Variants in BRSK2 observed in about 807,000 individuals in gnomAD.
The protein encoded by BRSK2 is serine/threonine-protein kinase BRSK2.
A neutral mutation model predicts 83.3 loss-of-function variants in BRSK2; 19 were observed. That is an observed-to-expected ratio of 0.23 (90% CI 0.16 to 0.33). The LOEUF (loss-of-function observed/expected upper bound fraction) is 0.33, where lower values mean the gene tolerates loss of function less well. BRSK2 is among the 10% of genes least tolerant of loss of function. The pLI is 1.00. For synonymous variants in BRSK2, 519 were observed against 435.4 expected (o/e 1.19, Z -2.39); for missense variants, 798 against 1,042.3 (o/e 0.77, Z 3.23).
intron 1 of BRSK2, among the ~76,000 whole-genome samples, chr11:1,408,834 T>TGG (rs1326857052): frequency 6.6e-6 from 1 of 151,208 alleles, no homozygotes; most frequent in Non-Finnish European, 1.5e-5. Context: ...TGTGTGTGTG[T>TGG]GGCTGTGCTG....
At chr11:1,402,592 G>A (rs373887051) in intron 1 of BRSK2, among the ~76,000 whole-genome samples, 1 of 152,124 alleles carries the variant, frequency 6.6e-6, no homozygotes, top group African/African-American at 2.4e-5. Context: ...CCTCCTGGGG[G>A]GTGAGGGGCA....
intron 1 of BRSK2, among the ~76,000 whole-genome samples, chr11:1,411,941 C>CAGCCTTAA (rs1564806841): frequency 1.4e-4 from 22 of 152,322 alleles, no homozygotes; most frequent in African/African-American, 5.1e-4. Context: ...GCCTTGGTCA[C>CAGCCTTAA]CAGCCTTAAC....
chr11:1,415,126 G>A (rs1285361762), intron 1 of BRSK2, among the ~76,000 whole-genome samples: 3 of 136,104 alleles, frequency 2.2e-5, no homozygotes, highest in Admixed American at 8.4e-5. Context: ...ATGGAGTCTC[G>A]CTCTGTTGCC....
At chr11:1,399,353 G>T (rs1199306502) in intron 1 of BRSK2, among the ~76,000 whole-genome samples, 4 of 152,218 alleles carry the variant, frequency 2.6e-5, no homozygotes, top group African/African-American at 9.6e-5. Flanking sequence ...GCCTGGCCCT[G>T]CCACTGGGGC....
chr11:1,445,800 C>T lies in BRSK2; in HGVS notation c.1119C>T (p.His373=), dbSNP rs780014409. 42 of 1,612,320 alleles carry T rather than the reference C, an allele frequency of 2.6e-5. No individual in the cohort carries two copies. The highest frequency in any genetic ancestry group is 8.3e-5 in the Admixed American group (5 of 60,000). ...TGGACTCCCCGATGCTGAACCGGCACGGCAAGCGGCGGCCAGAACGCAAAT... is the reference window on the plus strand; with the variant it reads ...TGGACTCCCCGATGCTGAACCGGCATGGCAAGCGGCGGCCAGAACGCAAAT... The part of the protein sequence containing the change: ...KRVDSPMLNR[H]GKRRPERKSM... Residue 373 remains histidine (H), a synonymous_variant, in exon 12 of 20, where the codon CAC becomes CAT. Coordinates refer to ENST00000528841, the MANE Select transcript of BRSK2 (RefSeq NM_001256627.2).
intron 1 of BRSK2, among the ~76,000 whole-genome samples, chr11:1,401,334 G>A (rs1846463549): frequency 6.6e-6 from 1 of 152,240 alleles, no homozygotes; most frequent in Non-Finnish European, 1.5e-5. Flanking sequence ...CGGGGCTCAC[G>A]CCCGGGGTGC....
chr11:1,397,095 G>A (rs889440174), intron 1 of BRSK2, among the ~76,000 whole-genome samples: 1 of 152,232 alleles, frequency 6.6e-6, no homozygotes, highest in African/African-American at 2.4e-5. Flanking sequence ...ACGGCACCCT[G>A]CCACCTCCTC....
chr11:1,447,753 G>A (rs369099306), intron 12 of BRSK2: 55 of 1,570,360 alleles, frequency 3.5e-5, no homozygotes, highest in African/African-American at 4.0e-5. Context: ...CTGTGCCCGC[G>A]TGTGGCCGTC....
In BRSK2 at chr11:1,423,876, C is replaced by T. The variant is rs533674194; in HGVS notation, c.92-12164C>T. 3.3e-5 allele frequency among the ~76,000 whole-genome samples: 5 copies of T among 152,004 alleles called. No homozygotes were observed. The South Asian group carries it at 1.0e-3, about 32-fold the overall frequency. On this transcript the variant is annotated intron_variant, in intron 1 of 19. Transcript: ENST00000528841. The surrounding 1 kb of genome is among the most constrained non-coding windows in gnomAD (Gnocchi z 6.5). ...GTGCCCCTGGGCCTGCAGAAGTGCTCCCCCACCCCCATCTTGCTTTCACCC... is the reference window on the plus strand; with the variant it reads ...GTGCCCCTGGGCCTGCAGAAGTGCTTCCCCACCCCCATCTTGCTTTCACCC...
chr11:1,402,562 C>T (rs1405914684), intron 1 of BRSK2, among the ~76,000 whole-genome samples: 2 of 152,172 alleles, frequency 1.3e-5, no homozygotes, highest in East Asian at 3.9e-4. Context: ...CTCAGGCCAG[C>T]CCAGCCAGCC....
intron 12 of BRSK2, among the ~76,000 whole-genome samples, chr11:1,446,886 T>A (rs1350466647): frequency 6.6e-6 from 1 of 152,076 alleles, no homozygotes; most frequent in Admixed American, 6.5e-5. Flanking sequence ...GCCCCCTCCT[T>A]GTACTGGAGA....
At chr11:1,445,089 C>CGGA in intron 9 of BRSK2, 87 bp downstream of exon 9, 3 of 1,550,792 alleles carry the variant, frequency 1.9e-6, no homozygotes, top group Non-Finnish European at 2.7e-6. Flanking sequence ...GGGAGGGCGC[C>CGGA]GGCCCAGCGC....
At position 1,460,900 on chromosome 11, in the gene BRSK2, G is replaced by T. The variant is rs376396801; in HGVS notation, c.*177G>T. On this transcript the variant is annotated 3_prime_UTR_variant, in exon 20 of 20. Transcript: ENST00000528841. ...CCTGTGGGCTGCGCCACCCGCGCCC[G>T]CTCTCTTTTCTCTCTGTCTCTGCCT... is the stretch of plus-strand genomic sequence containing the variant. 1.2e-6 allele frequency: 2 copies of T among 1,607,656 alleles called. No individual in the cohort carries two copies. The highest frequency in any genetic ancestry group is 2.2e-5 in the East Asian group (1 of 44,712).
chr11:1,402,972 C>T (rs1240241453), intron 1 of BRSK2, among the ~76,000 whole-genome samples: 1 of 152,130 alleles, frequency 6.6e-6, no homozygotes, highest in Non-Finnish European at 1.5e-5. Context: ...GATGAGCGCC[C>T]TCTCCAGCAA....
At chr11:1,424,655 C>T (rs1410171396) in intron 1 of BRSK2, among the ~76,000 whole-genome samples, 3 of 152,212 alleles carry the variant, frequency 2.0e-5, no homozygotes, top group Non-Finnish European at 4.4e-5. Flanking sequence ...GCCAACAGGC[C>T]ATTCCTCCCG....
At chr11:1,457,636 C>T (rs893124222) in intron 18 of BRSK2, among the ~76,000 whole-genome samples, 6 of 152,088 alleles carry the variant, frequency 3.9e-5, no homozygotes, top group South Asian at 2.1e-4. Flanking sequence ...GGGGAGCACC[C>T]GGCTGGACCC....
In BRSK2 at chr11:1,393,331, G is replaced by T. The variant is rs535381318; in HGVS notation, c.91+2956G>T. On this transcript the variant is annotated intron_variant, in intron 1 of 19. Coordinates refer to ENST00000528841, the MANE Select transcript of BRSK2 (RefSeq NM_001256627.2). ...CGGCTTAGCTCCTGAAATCTGGGAG[G>T]CCTGGGAGGGCCCTGTGGGAGGAGC... 8.3e-4 allele frequency among the ~76,000 whole-genome samples: 127 copies of T among 152,300 alleles called. 1 individual carries two copies. The highest frequency in any genetic ancestry group is 1.7e-3 in the Non-Finnish European group (118 of 68,020).
rs1188086469 is a variant in BRSK2 at position 1,445,879 on chromosome 11, G to A, written c.1198G>A (p.Ala400Thr). ...CGGCTCCCCGGTGCCTGCGCGGCGG[G>A]CCATTGAGATGGCCCAGCACGGCCA... Reference protein sequence around the residue: ...DGGSPVPARRAIEMAQHGQRS... With the variant: ...DGGSPVPARRTIEMAQHGQRS... The change falls in exon 12 of 20, where the codon GCC (alanine) becomes ACC (threonine). Residue 400 changes from alanine to threonine, a missense_variant. By Grantham distance (58) the Ala-to-Thr change is moderately conservative (BLOSUM62 0). Around this residue, in one of 6 missense-constraint regions of BRSK2, gnomAD observed 51 missense variants for 52.6 expected, o/e 0.97. Coordinates refer to ENST00000528841, the MANE Select transcript of BRSK2 (RefSeq NM_001256627.2). The A allele has an allele frequency of 6.2e-7, 1 of 1,611,226 alleles. No individual in the cohort carries two copies. Among genetic ancestry groups the A allele is most frequent in the Admixed American group, 1.7e-5 (1 of 59,960 alleles).
In BRSK2 at chr11:1,450,588, T is replaced by C; in HGVS notation, c.1289T>C (p.Val430Ala). 6.4e-7 allele frequency: 1 copy of C among 1,557,430 alleles called. No homozygotes were observed. The highest frequency in any genetic ancestry group is 8.7e-7 in the Non-Finnish European group (1 of 1,148,592). Residue 430 changes from valine (V) to alanine (A), a missense_variant and splice_region_variant, in exon 14 of 20, where the codon GTG becomes GCG. Physicochemically the swap from Val to Ala is moderately conservative, Grantham distance 64. This residue lies in a region of BRSK2 where 455 missense variants were observed against 455.2 expected (regional missense o/e 1.00). Transcript: ENST00000528841. ...LSTSPLSSPR[V>A]TPHPSPRGSP... is the part of the protein sequence containing the mutation. ...ACCAAATCTGTCCCCACCATACAGGTGACCCCTCACCCCTCACCAAGGGGC... is the reference window on the plus strand; with the variant it reads ...ACCAAATCTGTCCCCACCATACAGGCGACCCCTCACCCCTCACCAAGGGGC...
Sources: allele counts gnomAD v4.1 joint callset (sites outside exome capture counted in the v4.1 genomes callset), GRCh38; gene constraint gnomAD v4.1.1; regional missense constraint gnomAD v4.1.1; non-coding constraint Gnocchi (gnomAD v3.1); transcripts MANE v1.5; gene names NCBI Gene and HGNC (gene_info 2026-07-23, HGNC 2026-07-21).